RUVBL1: variants seen among roughly 807,000 people sequenced by gnomAD.
The protein encoded by RUVBL1 is RuvB like AAA ATPase 1.
In RUVBL1, 4 loss-of-function variants were observed where a neutral mutation model predicts 52.4. The ratio of observed to expected loss-of-function variants is 0.08; its 90% CI spans 0.04 to 0.17. RUVBL1 has a LOEUF of 0.17. Among genes scored for constraint, RUVBL1 ranks in the 10% least tolerant of loss-of-function variants. The pLI is 1.00. For missense variants in RUVBL1, 298 were observed against 572.8 expected, an observed-to-expected ratio of 0.52 and a Z score of 4.90; for synonymous variants, 217 against 214.4, an observed-to-expected ratio of 1.01 and a Z score of -0.10.
At chr3:128,093,846 C>G (rs1942908793) in intron 8 of RUVBL1, among the ~76,000 whole-genome samples, 2 of 152,132 alleles carry the variant, frequency 1.3e-5, no homozygotes, top group African/African-American at 4.8e-5. Flanking sequence ...TCAAGAGGAC[C>G]AGGGACAGGT....
chr3:128,151,317 A>G (rs1944208398), intron 1 of RUVBL1, among the ~76,000 whole-genome samples: 1 of 148,492 alleles, frequency 6.7e-6, no homozygotes, highest in African/African-American at 2.5e-5. Context: ...TGCCTGCCTC[A>G]GCCTCCCAAA....
At chr3:128,119,294 T>A in intron 2 of RUVBL1, 34 bp downstream of exon 2, 1 of 1,555,110 alleles carries the variant, frequency 6.4e-7, no homozygotes, top group Non-Finnish European at 8.9e-7. Flanking sequence ...ATCATTCTCC[T>A]GGGTAGATTT....
Position 128,098,945 on chromosome 3 carries a change from C to T in RUVBL1, c.754G>A (p.Gly252Arg), listed in dbSNP as rs1344459408. The T allele has an allele frequency of 1.2e-6, 2 of 1,613,206 alleles. No homozygotes were observed. Among genetic ancestry groups the T allele is most frequent in the East Asian group, 2.2e-5 (1 of 44,878 alleles). ...ATCATGGACAGGATATCTTGTCCCC[C>T]CTGCATAAGAGAAGACTTAGAGTCA... is the stretch of plus-strand genomic sequence containing the variant. ...DLDVANARPQ[G>R]GQDILSMMGQ... The change falls in exon 7 of 11, where the codon GGG becomes AGG. Residue 252 changes from glycine (G) to arginine (R), a missense_variant and splice_region_variant. Around this residue, in one of 5 missense-constraint regions of RUVBL1, gnomAD observed 161 missense variants for 298.3 expected, o/e 0.54. Transcript: ENST00000322623.
Position 128,097,487 on chromosome 3 carries a change from C to T in RUVBL1, c.829G>A (p.Gly277Arg). 6.2e-7 allele frequency: 1 copy of T among 1,614,156 alleles called. No individual in the cohort carries two copies. ...TTGTTCACCACCTTATTAATCTCCC[C>T]TCGAAGTTTGTCTAGGAGATGCAAG... ...KKTEITDKLR[G>R]EINKVVNKYI... The change falls in exon 8 of 11, where the codon GGG becomes AGG. Residue 277 changes from glycine to arginine, a missense_variant. Gly to Arg is a moderately radical substitution (Grantham distance 125, BLOSUM62 -2). Coordinates refer to ENST00000322623, the MANE Select transcript of RUVBL1 (RefSeq NM_003707.3).
chr3:128,095,748 T>C (rs1451221530), intron 8 of RUVBL1, among the ~76,000 whole-genome samples: 4 of 152,168 alleles, frequency 2.6e-5, no homozygotes, highest in Admixed American at 2.0e-4. Context: ...ATGTTTTGTT[T>C]TTTTTTAATT....
At chr3:128,125,105 C>T (rs996647592), upstream of RUVBL1, among the ~76,000 whole-genome samples, 1 of 149,970 alleles carries the variant, frequency 6.7e-6, no homozygotes, top group African/African-American at 2.5e-5. Context: ...AGCTCCGCCT[C>T]CCGGGTTCAC....
chr3:128,083,419 TGAG>T (rs966760413), intron 9 of RUVBL1: 1 of 152,248 alleles, frequency 6.6e-6, no homozygotes, highest in African/African-American at 2.4e-5. Flanking sequence ...TGGGAAAGAC[TGAG>T]TCCCAGCTTC....
In RUVBL1 at chr3:128,081,965, G is replaced by A. The variant is rs1364864983; in HGVS notation, c.1211+518C>T. The A allele has an allele frequency of 6.1e-6, 1 of 164,532 alleles. No homozygotes were observed. The highest frequency in any genetic ancestry group is 1.3e-5 in the Non-Finnish European group (1 of 74,518). 10.2% of individuals were successfully genotyped at this position (164,532 alleles called of 1,614,324 possible). A position where few individuals can be genotyped will look rare whatever the true frequency, so the allele number is the denominator to read the frequency against. On this transcript the variant is annotated intron_variant, in intron 10 of 10. Coordinates refer to ENST00000322623, the MANE Select transcript of RUVBL1 (RefSeq NM_003707.3). The surrounding 1 kb of genome is among the most constrained non-coding windows in gnomAD (Gnocchi z 4.8). The stretch of plus-strand genomic sequence containing the variant: ...ACAATGAGTCAGGCCACTGTGAAGG[G>A]ACATGCTCTGCCGGTCCTGTGTTTG...
In RUVBL1 at chr3:128,119,340, A is replaced by T. The variant is rs1174350969; in HGVS notation, c.216T>A (p.Pro72=). 3 of 1,613,772 alleles carry T rather than the reference A, an allele frequency of 1.9e-6. No individual in the cohort carries two copies. The East Asian group carries it at 6.7e-5, about 36-fold the overall frequency. ...AGRAVLLAGP[P]GTGKTALALA... ...AGAAAATGAGTACCTTGCCAGTTCC[A>T]GGAGGTCCTGCCAACAAGACAGCTC... The change falls in exon 2 of 11, where the codon CCT becomes CCA. Residue 72 remains proline (P), a synonymous_variant. Coordinates refer to ENST00000322623, the MANE Select transcript of RUVBL1 (RefSeq NM_003707.3).
intron 1 of RUVBL1, among the ~76,000 whole-genome samples, chr3:128,135,578 A>C (rs184274277): frequency 6.6e-6 from 1 of 152,332 alleles, no homozygotes; most frequent in Admixed American, 6.5e-5. Flanking sequence ...AAAATATTTT[A>C]TACTAGGATA....
chr3:128,077,152 C>G (rs1942357737), downstream of RUVBL1, among the ~76,000 whole-genome samples: 1 of 151,970 alleles, frequency 6.6e-6, no homozygotes, highest in African/African-American at 2.4e-5. Flanking sequence ...GCGCTGATGG[C>G]CGCCCAGCCC....
chr3:128,068,956 A>G (rs1942068047), intron 9 of RUVBL1: 1 of 152,348 alleles, frequency 6.6e-6, no homozygotes, highest in African/African-American at 2.4e-5. Context: ...TGCAAACTTC[A>G]GATCATTTTC....
chr3:128,146,756 C>T (rs1480501760), intron 1 of RUVBL1, among the ~76,000 whole-genome samples: 1 of 149,680 alleles, frequency 6.7e-6, no homozygotes, highest in Non-Finnish European at 1.5e-5. Context: ...CGTGTGTGTA[C>T]GTACATCTGT....
intron 3 of RUVBL1, among the ~76,000 whole-genome samples, chr3:128,109,996 T>C (rs1362738679): frequency 6.6e-6 from 1 of 151,960 alleles, no homozygotes; most frequent in South Asian, 2.1e-4. Flanking sequence ...TTTGTATTTT[T>C]AGTAGAGACG....
At chr3:128,120,778 G>A (rs1431638651) in intron 1 of RUVBL1, among the ~76,000 whole-genome samples, 1 of 151,878 alleles carries the variant, frequency 6.6e-6, no homozygotes, top group Non-Finnish European at 1.5e-5. Flanking sequence ...CTGCCACCAT[G>A]CCTAGCTAAT....
At position 128,138,790 on chromosome 3, in the gene RUVBL1, A is replaced by G. The variant is rs537551480; in HGVS notation, c.-40+14413T>C. The stretch of plus-strand genomic sequence containing the variant: ...AAAACTGTAGCAATCACATAACCTG[A>G]CTTCAAATTATGCTACAGAGCTATA... On this transcript the variant is annotated intron_variant, in intron 1 of 9. Transcript: ENST00000464873. Among the ~76,000 whole-genome samples the G allele has an allele frequency of 9.2e-5, 14 of 152,318 alleles. 1 individual carries two copies. The South Asian group carries it at 2.9e-3, about 32-fold the overall frequency.
At chr3:128,151,426 G>T (rs34749881) in intron 1 of RUVBL1, among the ~76,000 whole-genome samples, 21,654 of 151,424 alleles carry the variant, frequency 0.14, 1,784 homozygotes, top group African/African-American at 0.22. Flanking sequence ...AAGAAATGAG[G>T]TTTATTTGAA....
chr3:128,082,506 C>G lies in RUVBL1; in HGVS notation c.1188G>C (p.Glu396Asp). 2 of 1,613,918 alleles carry G rather than the reference C, an allele frequency of 1.2e-6. No homozygotes were observed. Among genetic ancestry groups the G allele is most frequent in the Non-Finnish European group, 1.7e-6 (2 of 1,179,904 alleles). ...ISEEALNHLGEIGTKTTLRYS... is the reference protein window; with the variant it reads ...ISEEALNHLGDIGTKTTLRYS... ...ACCTCAGTGTGGTCTTGGTGCCAAT[C>G]TCCCCCAGGTGGTTCAGTGCCTCCT... The change falls in exon 10 of 11, where the codon GAG becomes GAC. Residue 396 changes from glutamate to aspartate, a missense_variant. By Grantham distance (45) the Glu-to-Asp change is conservative (BLOSUM62 2). Around this residue, in one of 5 missense-constraint regions of RUVBL1, gnomAD observed 161 missense variants for 298.3 expected, o/e 0.54. Transcript: ENST00000322623. The surrounding 1 kb of genome is among the most constrained non-coding windows in gnomAD (Gnocchi z 4.7).
chr3:128,119,513 A>G, intron 1 of RUVBL1, 99 bp from the exon 2 acceptor site: 3 of 908,672 alleles, frequency 3.3e-6, no homozygotes, highest in Non-Finnish European at 5.1e-6. Flanking sequence ...ACACTCATCC[A>G]ACTAACACTG....
Sources: gnomAD v4.1 joint callset for allele counts (sites outside exome capture counted in the v4.1 genomes callset) on GRCh38, gnomAD v4.1.1 for gene constraint, gnomAD v4.1.1 regional missense constraint, Gnocchi (gnomAD v3.1) non-coding constraint, MANE v1.5 for transcripts, NCBI Gene and HGNC (gene_info 2026-07-23, HGNC 2026-07-21) for gene names.